The following ARMC9 variants were observed in gnomAD, a reference collection of about 807,000 sequenced individuals.
The protein encoded by ARMC9 is armadillo repeat containing 9.
Under a neutral mutation model 107.0 loss-of-function variants are expected in ARMC9, and 94 were observed. The ratio of observed to expected loss-of-function variants is 0.88; its 90% CI spans 0.74 to 1.04. The LOEUF is 1.04. Ranked by LOEUF, ARMC9 falls within the 50% of genes least tolerant of loss-of-function variation. The pLI is 0.00. For synonymous variants in ARMC9, 380 were observed against 396.9 expected (o/e 0.96, Z 0.51); for missense variants, 942 against 1,030.1 (o/e 0.91, Z 1.17).
chr2:231,311,920 G>C (rs1267564335), intron 19 of ARMC9, among the ~76,000 whole-genome samples: 1 of 152,012 alleles, frequency 6.6e-6, no homozygotes, highest in East Asian at 1.9e-4. Context: ...ATATACCTAT[G>C]TAATTCAGAC....
chr2:231,246,941 T>C (rs1364928210), intron 9 of ARMC9, among the ~76,000 whole-genome samples: 1 of 151,276 alleles, frequency 6.6e-6, no homozygotes, highest in Non-Finnish European at 1.5e-5. Flanking sequence ...TACAGATACA[T>C]GTCACCACAC....
intron 5 of ARMC9, among the ~76,000 whole-genome samples, chr2:231,217,974 TGAGC>T (rs2033707972): frequency 1.4e-5 from 2 of 146,600 alleles, no homozygotes; most frequent in East Asian, 3.9e-4. Flanking sequence ...ATTACAGGCG[TGAGC>T]CACCGCGCCT....
intron 5 of ARMC9, among the ~76,000 whole-genome samples, chr2:231,219,994 AC>A (rs2033947153): frequency 6.6e-6 from 1 of 151,982 alleles, no homozygotes; most frequent in Non-Finnish European, 1.5e-5. Flanking sequence ...CACCATTTTG[AC>A]CATTTCTGAG....
chr2:231,276,732 G>A lies in ARMC9; in HGVS notation c.1431G>A (p.Glu477=). The A allele has an allele frequency of 6.2e-7, 1 of 1,614,164 alleles. No homozygotes were observed. The highest frequency in any genetic ancestry group is 8.5e-7 in the Non-Finnish European group (1 of 1,180,044). ...DPDCLSDYTL[E]YSVALLMNLC... is the part of the protein sequence containing the mutation. ...ACTGCCTGTCTGACTACACGCTGGA[G>A]TACTCGGTGGCTTTGCTCATGAACC... Residue 477 remains glutamate (E), a synonymous_variant, in exon 15 of 25, where the codon GAG becomes GAA. Transcript: ENST00000611582.
chr2:231,201,652 G>A (rs1325810117), intron 1 of ARMC9, among the ~76,000 whole-genome samples: 1 of 152,142 alleles, frequency 6.6e-6, no homozygotes, highest in African/African-American at 2.4e-5. Context: ...CTTCCTCACT[G>A]CTCTGCAGCC....
intron 12 of ARMC9, among the ~76,000 whole-genome samples, chr2:231,266,724 G>GCTAATGTC (rs1337580633): frequency 2.4e-4 from 36 of 152,054 alleles, no homozygotes; most frequent in Non-Finnish European, 3.5e-4. Flanking sequence ...TTTGTGACTG[G>GCTAATGTC]CTTATTTCAC....
rs910685002 is a variant in ARMC9 at position 231,370,311 on chromosome 2, C to T, written c.2434+186C>T. Among the ~76,000 whole-genome samples the T allele has an allele frequency of 2.0e-5, 3 of 152,250 alleles. 1 individual carries two copies. The South Asian group carries it at 6.2e-4, about 31-fold the overall frequency. The stretch of plus-strand genomic sequence containing the variant: ...CAGGTGGCTTCCTTTCCTCCAGGGA[C>T]CGGTTCTGCATGAATCTTCCTTCCT... On this transcript the variant is annotated intron_variant, in intron 24 of 24. Coordinates refer to ENST00000611582, the MANE Select transcript of ARMC9 (RefSeq NM_001352754.2).
Position 231,344,970 on chromosome 2 carries a change from A to G in ARMC9, c.1879-5A>G, listed in dbSNP as rs756454779. On this transcript the variant is annotated splice_polypyrimidine_tract_variant and splice_region_variant and intron_variant, in intron 20 of 24. Coordinates refer to ENST00000611582, the MANE Select transcript of ARMC9 (RefSeq NM_001352754.2). ...CCAGCCCTTTTTTCTCTTTCCTTCC[A>G]CCAGATCATGACCAACACGGGGAAG... is the stretch of plus-strand genomic sequence containing the variant. 3 of 1,613,478 alleles carry G rather than the reference A, an allele frequency of 1.9e-6. No homozygotes were observed. In the East Asian group the frequency reaches 6.7e-5, roughly 36 times the overall value.
intron 16 of ARMC9, 124 bp downstream of exon 16, chr2:231,278,582 C>A: frequency 1.3e-6 from 1 of 770,306 alleles, no homozygotes; most frequent in Non-Finnish European, 2.1e-6. Context: ...TACATGTTCT[C>A]TGTCCTTCTG....
chr2:231,262,101 T>A (rs1574850113), intron 11 of ARMC9, among the ~76,000 whole-genome samples: 2 of 152,098 alleles, frequency 1.3e-5, no homozygotes, highest in Non-Finnish European at 2.9e-5. Flanking sequence ...GGATTACAGG[T>A]GTGAGCCACC....
chr2:231,257,282 TC>T (rs570298772), intron 10 of ARMC9, among the ~76,000 whole-genome samples: 2 of 152,218 alleles, frequency 1.3e-5, no homozygotes, highest in Non-Finnish European at 2.9e-5. Flanking sequence ...CACACTGTGA[TC>T]AAGGCCATGG....
chr2:231,299,975 C>T (rs2041623053), intron 19 of ARMC9, among the ~76,000 whole-genome samples: 1 of 152,144 alleles, frequency 6.6e-6, no homozygotes, highest in Non-Finnish European at 1.5e-5. Context: ...TTACCTGATG[C>T]ATTTATTTTA....
At chr2:231,223,845 G>T (rs2034388029) in intron 6 of ARMC9, among the ~76,000 whole-genome samples, 1 of 152,036 alleles carries the variant, frequency 6.6e-6, no homozygotes, top group Admixed American at 6.6e-5. Flanking sequence ...TCTTCTGTTT[G>T]CCTACATACC....
intron 19 of ARMC9, among the ~76,000 whole-genome samples, chr2:231,327,359 C>T (rs1370104486): frequency 1.3e-5 from 2 of 152,210 alleles, no homozygotes; most frequent in Admixed American, 6.5e-5. Flanking sequence ...TCCTCCTTAA[C>T]ACCTGGCAAC....
At chr2:231,264,328 G>A (rs1041644320) in intron 12 of ARMC9, among the ~76,000 whole-genome samples, 2 of 151,684 alleles carry the variant, frequency 1.3e-5, no homozygotes, top group Non-Finnish European at 2.9e-5. Context: ...ACAGGCGCCC[G>A]CCACCACACC....
At chr2:231,235,139 A>T in intron 7 of ARMC9, 85 bp from the exon 8 acceptor site, 1 of 1,390,628 alleles carries the variant, frequency 7.2e-7, no homozygotes, top group Non-Finnish European at 9.6e-7. Flanking sequence ...TCTGGCAATA[A>T]GTATGGTAGT....
At chr2:231,239,286 T>C (rs1289736528) in intron 8 of ARMC9, among the ~76,000 whole-genome samples, 1 of 152,148 alleles carries the variant, frequency 6.6e-6, no homozygotes. Flanking sequence ...TCCTGAATTC[T>C]CGTAGCTGGT....
chr2:231,236,439 T>G (rs2035724863), intron 8 of ARMC9, among the ~76,000 whole-genome samples: 1 of 152,190 alleles, frequency 6.6e-6, no homozygotes, highest in African/African-American at 2.4e-5. Context: ...TACAATAAAA[T>G]CTATTTGTGG....
chr2:231,218,270 C>T (rs1283724254), intron 5 of ARMC9, among the ~76,000 whole-genome samples: 1 of 151,974 alleles, frequency 6.6e-6, no homozygotes, highest in African/African-American at 2.4e-5. Context: ...CTTCCTCTCC[C>T]AGAAGGTTGA....
Sources: allele counts gnomAD v4.1 joint callset (sites outside exome capture counted in the v4.1 genomes callset), GRCh38; gene constraint gnomAD v4.1.1; transcripts MANE v1.5; gene names NCBI Gene and HGNC (gene_info 2026-07-23, HGNC 2026-07-21).